NMT2: variants seen among roughly 807,000 people sequenced by gnomAD.
NMT2 encodes glycylpeptide N-tetradecanoyltransferase 2.
In NMT2, 35 loss-of-function variants were observed where a neutral mutation model predicts 65.4. That is an observed-to-expected ratio of 0.54 (90% CI 0.41 to 0.71). The LOEUF (loss-of-function observed/expected upper bound fraction) is 0.71, where lower values mean the gene tolerates loss of function less well. NMT2 is among the 30% of genes least tolerant of loss of function. The pLI is 0.00. For missense variants in NMT2, 489 were observed against 611.3 expected, an observed-to-expected ratio of 0.80 and a Z score of 2.11; for synonymous variants, 226 against 231.8, an observed-to-expected ratio of 0.98 and a Z score of 0.23.
intron 2 of NMT2, 68 bp from the exon 3 acceptor site, chr10:15,135,486 C>T (rs575246708): frequency 1.2e-5 from 18 of 1,522,778 alleles, no homozygotes; most frequent in Admixed American, 3.5e-5. Flanking sequence ...AGCAGACGCA[C>T]GTGCATCTGC....
chr10:15,114,482 C>G (rs1845680160), intron 9 of NMT2, among the ~76,000 whole-genome samples: 1 of 152,114 alleles, frequency 6.6e-6, no homozygotes. Flanking sequence ...AAACCCCGCT[C>G]ACAACAAAAC....
rs549498073 is a variant in NMT2, at chr10:15,147,292, TC to T, written c.111-5736del. On this transcript the variant is annotated intron_variant, in intron 1 of 11. Transcript: ENST00000378165. Reference sequence around the variant, plus strand: ...TGAGACTAATTATTTTACAAATATTTCCCCCCTGAATTTCCAAGTTCCTGCA... The same window carrying T: ...TGAGACTAATTATTTTACAAATATTTCCCCCTGAATTTCCAAGTTCCTGCA... 3.4e-3 allele frequency among the ~76,000 whole-genome samples: 522 copies of T among 152,136 alleles called. 3 individuals carry two copies. The highest frequency in any genetic ancestry group is 4.7e-3 in the Non-Finnish European group (318 of 67,978).
chr10:15,147,461 C>T (rs1296313766), intron 1 of NMT2, among the ~76,000 whole-genome samples: 1 of 151,768 alleles, frequency 6.6e-6, no homozygotes, highest in Non-Finnish European at 1.5e-5. Context: ...ATAAACAGGT[C>T]CATGAAATGC....
At chr10:15,120,582 C>G (rs968071778) in intron 8 of NMT2, among the ~76,000 whole-genome samples, 3 of 152,170 alleles carry the variant, frequency 2.0e-5, no homozygotes, top group African/African-American at 4.8e-5. Flanking sequence ...GTCCTAGAAC[C>G]AATCCTTCAT....
intron 9 of NMT2, among the ~76,000 whole-genome samples, chr10:15,117,624 C>T (rs1589296548): frequency 6.6e-6 from 1 of 151,990 alleles, no homozygotes; most frequent in South Asian, 2.1e-4. Context: ...GCAGATGACA[C>T]ATTGTCTATG....
At position 15,158,228 on chromosome 10, in the gene NMT2, A is replaced by C. The variant is rs1335794500; in HGVS notation, c.110+10275T>G. Among the ~76,000 whole-genome samples, 4 of 151,968 alleles carry C rather than the reference A, an allele frequency of 2.6e-5. No individual in the cohort carries two copies. In the East Asian group the frequency reaches 7.7e-4, roughly 29 times the overall value. On this transcript the variant is annotated intron_variant, in intron 1 of 11. Coordinates refer to ENST00000378165, the MANE Select transcript of NMT2 (RefSeq NM_004808.3). ...CTACTTGGGAGGCTGAGGCAGGAGAATCTCCTGAACCCAGGAGGTGGAGGT... is the reference window on the plus strand; with the variant it reads ...CTACTTGGGAGGCTGAGGCAGGAGACTCTCCTGAACCCAGGAGGTGGAGGT...
chr10:15,119,548 T>G (rs780881606), intron 8 of NMT2, 35 bp from the exon 9 acceptor site: 46 of 1,601,964 alleles, frequency 2.9e-5, no homozygotes, highest in Middle Eastern at 4.1e-4. Context: ...ATCCAGAAGT[T>G]CAGGTAGAAG....
chr10:15,160,750 G>A (rs1833160177), intron 1 of NMT2, among the ~76,000 whole-genome samples: 3 of 151,908 alleles, frequency 2.0e-5, no homozygotes, highest in African/African-American at 4.8e-5. Flanking sequence ...CTCCAGCCTG[G>A]GCAACAGAGT....
In NMT2 at chr10:15,131,506, G is replaced by C. The variant is rs75645739; in HGVS notation, c.720-1194C>G. ...ATTATGGTAATAACTGAGTCATCCT[G>C]GTGCAGAATCTGATAAGATGTTGCT... On this transcript the variant is annotated intron_variant, in intron 6 of 11. Coordinates refer to ENST00000378165, the MANE Select transcript of NMT2 (RefSeq NM_004808.3). Among the ~76,000 whole-genome samples, 526 of 152,092 alleles carry C rather than the reference G, an allele frequency of 3.5e-3. 3 individuals are homozygous for C. Among genetic ancestry groups the C allele is most frequent in the African/African-American group, 0.012 (499 of 41,490 alleles).
intron 8 of NMT2, among the ~76,000 whole-genome samples, chr10:15,124,716 G>A (rs1372032504): frequency 6.6e-6 from 1 of 152,092 alleles, no homozygotes; most frequent in Admixed American, 6.6e-5. Context: ...GAGAGGAAGG[G>A]GCATCCGGTG....
At chr10:15,140,902 G>T in intron 2 of NMT2, 1 of 1,260,898 alleles carries the variant, frequency 7.9e-7, no homozygotes, top group Non-Finnish European at 1.1e-6. Context: ...CTAGGAGAAT[G>T]TCAGGAACTA....
At chr10:15,136,443 C>A in intron 2 of NMT2, among the ~76,000 whole-genome samples, 1 of 100,696 alleles carries the variant, frequency 9.9e-6, no homozygotes, top group Non-Finnish European at 1.9e-5. Context: ...AGGAGAGGGA[C>A]AGGGGGAGGA....
chr10:15,110,563 G>A (rs1845476816), intron 10 of NMT2, among the ~76,000 whole-genome samples: 1 of 152,196 alleles, frequency 6.6e-6, no homozygotes, highest in Non-Finnish European at 1.5e-5. Context: ...ATAAGCCGAA[G>A]AGGTCGAGGC....
intron 8 of NMT2, among the ~76,000 whole-genome samples, chr10:15,127,546 C>CAAAAAA (rs1239422956): frequency 1.9e-3 from 95 of 51,314 alleles, no homozygotes; most frequent in African/African-American, 4.0e-3. Context: ...GACTCCGTCT[C>CAAAAAA]AAAAAAAAAA....
At chr10:15,126,787 TG>T (rs1281051292) in intron 8 of NMT2, among the ~76,000 whole-genome samples, 1 of 152,234 alleles carries the variant, frequency 6.6e-6, no homozygotes, top group African/African-American at 2.4e-5. Context: ...AAGCTGTGAC[TG>T]GATTTCTGGC....
chr10:15,167,992 G>C (rs1833431516), intron 1 of NMT2, among the ~76,000 whole-genome samples: 1 of 152,146 alleles, frequency 6.6e-6, no homozygotes. Context: ...GACACCATCG[G>C]GGCACCTCCA....
chr10:15,161,965 A>G (rs1474229312), intron 1 of NMT2, among the ~76,000 whole-genome samples: 1 of 152,196 alleles, frequency 6.6e-6, no homozygotes, highest in African/African-American at 2.4e-5. Flanking sequence ...TTCAAAATGT[A>G]CAGATCGCCG....
chr10:15,112,767 A>G, intron 10 of NMT2, 29 bp downstream of exon 10: 1 of 1,581,034 alleles, frequency 6.3e-7, no homozygotes, highest in Non-Finnish European at 8.6e-7. Flanking sequence ...TGGAGAACCA[A>G]ACGGCGTGAA....
In NMT2 at chr10:15,108,465, G is replaced by A. The variant is rs145667023; in HGVS notation, c.*730C>T. 4.5e-4 allele frequency: 442 copies of A among 978,738 alleles called. 1 individual carries two copies. The African/African-American group carries it at 5.8e-3, about 13-fold the overall frequency. 60.6% of individuals were successfully genotyped at this position (978,738 alleles called of 1,614,324 possible). A position where few individuals can be genotyped will look rare whatever the true frequency, so the allele number is the denominator to read the frequency against. On this transcript the variant is annotated 3_prime_UTR_variant, in exon 12 of 12. Coordinates refer to ENST00000378165, the MANE Select transcript of NMT2 (RefSeq NM_004808.3). The stretch of plus-strand genomic sequence containing the variant: ...CTCCCAAAGTGCTGGGATTACAGGC[G>A]TGAGCCACCACGCCCGGCCTCAGGC...
Sources: allele counts gnomAD v4.1 joint callset (sites outside exome capture counted in the v4.1 genomes callset), GRCh38; gene constraint gnomAD v4.1.1; transcripts MANE v1.5; gene names NCBI Gene and HGNC (gene_info 2026-07-23, HGNC 2026-07-21).